Variants in ANKS1B observed in about 807,000 individuals in gnomAD.
The protein encoded by ANKS1B is ankyrin repeat and sterile alpha motif domain-containing protein 1B.
A neutral mutation model predicts 148.3 loss-of-function variants in ANKS1B; 36 were observed. That is an observed-to-expected ratio of 0.24 (90% CI 0.19 to 0.32). ANKS1B has a LOEUF of 0.32. Among genes scored for constraint, ANKS1B ranks in the 10% least tolerant of loss-of-function variants. The pLI is 1.00. For missense variants in ANKS1B, 1,157 were observed against 1,542.6 expected (o/e 0.75, Z 4.19); for synonymous variants, 542 against 560.8 (o/e 0.97, Z 0.47).
chr12:99,454,435 T>C (rs1206353998), intron 10 of ANKS1B, among the ~76,000 whole-genome samples: 1 of 151,680 alleles, frequency 6.6e-6, no homozygotes, highest in Non-Finnish European at 1.5e-5. Flanking sequence ...AATAAGAACT[T>C]TGGTCTTATC....
At chr12:99,744,268 A>G (rs1203810383) in intron 8 of ANKS1B, among the ~76,000 whole-genome samples, 2 of 152,246 alleles carry the variant, frequency 1.3e-5, no homozygotes, top group Non-Finnish European at 2.9e-5. Flanking sequence ...TTGAGAGTCA[A>G]TCACATGATA....
At chr12:99,754,375 C>T (rs554193327) in intron 8 of ANKS1B, among the ~76,000 whole-genome samples, 3 of 152,188 alleles carry the variant, frequency 2.0e-5, no homozygotes, top group South Asian at 2.1e-4. Flanking sequence ...TAGAGACTTT[C>T]AAAAAGACTT....
chr12:99,583,804 G>T (rs2153230133), intron 9 of ANKS1B, among the ~76,000 whole-genome samples: 1 of 152,300 alleles, frequency 6.6e-6, no homozygotes, highest in South Asian at 2.1e-4. Flanking sequence ...AACAGTGTGG[G>T]ATCCAAAGGA....
chr12:99,626,894 T>C (rs751279072), intron 9 of ANKS1B, among the ~76,000 whole-genome samples: 1 of 152,152 alleles, frequency 6.6e-6, no homozygotes, highest in Non-Finnish European at 1.5e-5. Context: ...AAGAACAAGG[T>C]TGGTGATGTC....
chr12:99,513,531 A>G (rs1028113812), intron 9 of ANKS1B, among the ~76,000 whole-genome samples: 1 of 152,070 alleles, frequency 6.6e-6, no homozygotes, highest in African/African-American at 2.4e-5. Context: ...CAAAAAGAAA[A>G]AATTTGAAAC....
rs188358988 is a variant in ANKS1B, at chr12:99,743,892, T to A, written c.1128+29030A>T. ...TAAATAATGGGTTTTGAAAAAAGCT[T>A]CATACATCTTGATAACTTTCTCGGC... is the stretch of plus-strand genomic sequence containing the variant. On this transcript the variant is annotated intron_variant, in intron 8 of 26. Transcript: ENST00000683438. Among the ~76,000 whole-genome samples the A allele has an allele frequency of 6.8e-3, 1,036 of 152,310 alleles. 39 individuals are homozygous for A. The highest frequency in any genetic ancestry group is 0.06 in the Admixed American group (917 of 15,292).
At chr12:98,791,697 A>C (rs2098860575) in intron 22 of ANKS1B, among the ~76,000 whole-genome samples, 1 of 152,240 alleles carries the variant, frequency 6.6e-6, no homozygotes, top group Non-Finnish European at 1.5e-5. Flanking sequence ...AGCTGGGAGT[A>C]CAAGTGCATG....
chr12:99,541,588 T>C (rs940060851), intron 9 of ANKS1B, among the ~76,000 whole-genome samples: 1 of 152,140 alleles, frequency 6.6e-6, no homozygotes, highest in African/African-American at 2.4e-5. Flanking sequence ...TGGTCGGGCA[T>C]GGTGGCTCAC....
At chr12:99,317,786 A>G (rs1322057368) in intron 12 of ANKS1B, among the ~76,000 whole-genome samples, 2 of 152,148 alleles carry the variant, frequency 1.3e-5, no homozygotes, top group Admixed American at 6.5e-5. Flanking sequence ...ATTCAGTATG[A>G]TATTGGCTGT....
chr12:99,918,200 G>A lies in ANKS1B; in HGVS notation c.134+65904C>T, dbSNP rs191712041. ...TGAGTCAAACCAATGATCATTACAC[G>A]ATGTTCTGTCCCCTTAGCATGGGTG... is the stretch of plus-strand genomic sequence containing the variant. On this transcript the variant is annotated intron_variant, in intron 1 of 26. Coordinates refer to ENST00000683438, the MANE Select transcript of ANKS1B (RefSeq NM_001352186.2). 1.7e-3 allele frequency among the ~76,000 whole-genome samples: 260 copies of A among 152,286 alleles called. 1 individual carries two copies. Among genetic ancestry groups the A allele is most frequent in the African/African-American group, 5.8e-3 (239 of 41,556 alleles).
At chr12:99,757,833 G>A (rs1217242736) in intron 8 of ANKS1B, among the ~76,000 whole-genome samples, 1 of 151,926 alleles carries the variant, frequency 6.6e-6, no homozygotes, top group Admixed American at 6.6e-5. Context: ...GCAAGCTAAT[G>A]CAGGAACAGA....
At chr12:99,408,989 T>C (rs1446769351) in intron 11 of ANKS1B, among the ~76,000 whole-genome samples, 4 of 111,966 alleles carry the variant, frequency 3.6e-5, no homozygotes, top group East Asian at 3.9e-4. Flanking sequence ...CATATGATCC[T>C]GCAGTCACAC....
At chr12:99,648,475 G>A (rs2098394401) in intron 9 of ANKS1B, 3 of 1,613,978 alleles carry the variant, frequency 1.9e-6, no homozygotes, top group East Asian at 4.5e-5. Context: ...TGCCAGGTGT[G>A]GTCCTGCCAC....
At chr12:99,167,141 A>G (rs1175205538) in intron 14 of ANKS1B, among the ~76,000 whole-genome samples, 1 of 152,066 alleles carries the variant, frequency 6.6e-6, no homozygotes, top group Non-Finnish European at 1.5e-5. Flanking sequence ...CATACAATCT[A>G]AAACTACAAA....
intron 15 of ANKS1B, among the ~76,000 whole-genome samples, chr12:99,141,989 T>C (rs1455918865): frequency 6.6e-6 from 1 of 152,074 alleles, no homozygotes; most frequent in East Asian, 1.9e-4. Flanking sequence ...GCAAGCTTTC[T>C]AAACACTTTG....
At chr12:99,694,878 T>C (rs1317759023) in intron 8 of ANKS1B, among the ~76,000 whole-genome samples, 1 of 152,188 alleles carries the variant, frequency 6.6e-6, no homozygotes, top group East Asian at 1.9e-4. Context: ...ACTAAGAAGC[T>C]CATGCTTTCT....
At chr12:99,943,186 A>G (rs1210271071) in intron 1 of ANKS1B, among the ~76,000 whole-genome samples, 1 of 152,128 alleles carries the variant, frequency 6.6e-6, no homozygotes, top group East Asian at 1.9e-4. Context: ...TCTGAAACCC[A>G]TCCTTTCTTT....
intron 1 of ANKS1B, among the ~76,000 whole-genome samples, chr12:99,840,214 T>C (rs562614601): frequency 1.3e-5 from 2 of 152,158 alleles, no homozygotes; most frequent in African/African-American, 2.4e-5. Flanking sequence ...TCTGGGATAA[T>C]AGGGCAACTT....
intron 17 of ANKS1B, among the ~76,000 whole-genome samples, chr12:98,922,364 T>C (rs2099802564): frequency 6.6e-6 from 1 of 152,256 alleles, no homozygotes; most frequent in African/African-American, 2.4e-5. Flanking sequence ...TCACTCATTG[T>C]AGGCTTTCCT....
Sources: allele counts gnomAD v4.1 joint callset (sites outside exome capture counted in the v4.1 genomes callset), GRCh38; gene constraint gnomAD v4.1.1; transcripts MANE v1.5; gene names NCBI Gene and HGNC (gene_info 2026-07-23, HGNC 2026-07-21).